RALGPS2: variants seen among roughly 807,000 people sequenced by gnomAD.
RALGPS2 encodes Ral GEF with PH domain and SH3 binding motif 2.
In RALGPS2, 43 loss-of-function variants were observed where a neutral mutation model predicts 86.8. The ratio of observed to expected loss-of-function variants is 0.50; its 90% CI spans 0.39 to 0.64. RALGPS2 has a LOEUF of 0.64. Among genes scored for constraint, RALGPS2 ranks in the 30% least tolerant of loss-of-function variants. The probability of loss-of-function intolerance (pLI) is 0.00; values close to 1 mark genes in which losing one functional copy is unlikely to be tolerated. For missense variants in RALGPS2, 536 were observed against 694.6 expected (o/e 0.77, Z 2.57); for synonymous variants, 243 against 231.3 (o/e 1.05, Z -0.46).
In RALGPS2 at chr1:178,916,799, A is replaced by T. The variant is rs1285910788; in HGVS notation, c.*440A>T. ...GGAAAAACATACTCTTGTGGATTCC[A>T]TCAGGAGCTGGTTTTGAACCGAGGT... is the stretch of plus-strand genomic sequence containing the variant. On this transcript the variant is annotated 3_prime_UTR_variant, in exon 20 of 20. Transcript: ENST00000367635. 1 of 155,280 alleles carries T rather than the reference A, an allele frequency of 6.4e-6. No homozygotes were observed. Among genetic ancestry groups the T allele is most frequent in the Non-Finnish European group, 1.4e-5 (1 of 70,240 alleles). 9.6% of individuals were successfully genotyped at this position (155,280 alleles called of 1,614,324 possible). A position where few individuals can be genotyped will look rare whatever the true frequency, so the allele number is the denominator to read the frequency against.
intron 7 of RALGPS2, 36 bp downstream of exon 7, chr1:178,821,740 T>C (rs565636395): frequency 6.9e-7 from 1 of 1,445,112 alleles, no homozygotes; most frequent in South Asian, 1.2e-5. Flanking sequence ...AAGGTTAGAC[T>C]TCCTGTGGAA....
At chr1:178,831,845 C>G (rs765034302) in intron 7 of RALGPS2, among the ~76,000 whole-genome samples, 6 of 152,092 alleles carry the variant, frequency 3.9e-5, no homozygotes, top group Non-Finnish European at 7.4e-5. Context: ...CAAGTCTCTC[C>G]TACCACAACT....
intron 4 of RALGPS2, among the ~76,000 whole-genome samples, chr1:178,786,732 T>C (rs536261664): frequency 1.5e-4 from 23 of 152,102 alleles, no homozygotes; most frequent in Admixed American, 3.3e-4. Flanking sequence ...AATTCAATAC[T>C]ACAAAATAGA....
At chr1:178,854,665 A>C (rs1030247554) in intron 8 of RALGPS2, among the ~76,000 whole-genome samples, 6 of 152,176 alleles carry the variant, frequency 3.9e-5, no homozygotes, top group Non-Finnish European at 8.8e-5. Context: ...ACGATTAACT[A>C]AGGTCATGTA....
intron 10 of RALGPS2, among the ~76,000 whole-genome samples, chr1:178,880,986 G>A (rs1181322339): frequency 6.6e-6 from 1 of 152,126 alleles, no homozygotes; most frequent in Non-Finnish European, 1.5e-5. Flanking sequence ...TTCATGAGGA[G>A]CTAGAACCAG....
rs1653115332 is a variant in RALGPS2 at position 178,776,921 on chromosome 1, G to T, written c.57+100G>T. 15 of 867,666 alleles carry T rather than the reference G, an allele frequency of 1.7e-5. No homozygotes were observed. In the East Asian group the frequency reaches 3.9e-4, roughly 22 times the overall value. The allele number at this position is 867,666 out of a possible 1,614,324, so 53.7% of individuals were successfully genotyped here. On this transcript the variant is annotated intron_variant, in intron 2 of 19. Transcript: ENST00000367635. The stretch of plus-strand genomic sequence containing the variant: ...CATACTTAAATCAGAAGTGCATTTA[G>T]TGCAGAAATACACATTTCCTTTTTT...
intron 8 of RALGPS2, among the ~76,000 whole-genome samples, chr1:178,870,524 C>T (rs1658690004): frequency 6.6e-6 from 1 of 152,162 alleles, no homozygotes; most frequent in African/African-American, 2.4e-5. Flanking sequence ...ATACACTAAA[C>T]ATCATTAAAT....
chr1:178,897,458 A>G (rs1659998506), intron 16 of RALGPS2, among the ~76,000 whole-genome samples: 2 of 152,052 alleles, frequency 1.3e-5, no homozygotes, highest in South Asian at 2.1e-4. Context: ...GCTGGAGGAA[A>G]GACTGAGTAT....
chr1:178,843,513 G>A (rs1405524304), intron 8 of RALGPS2, among the ~76,000 whole-genome samples: 1 of 111,362 alleles, frequency 9.0e-6, no homozygotes, highest in African/African-American at 3.3e-5. Context: ...TGGGGTGGGG[G>A]GAGGGGGGAG....
At chr1:178,769,816 C>G (rs1652696215) in intron 1 of RALGPS2, among the ~76,000 whole-genome samples, 1 of 152,088 alleles carries the variant, frequency 6.6e-6, no homozygotes, top group Non-Finnish European at 1.5e-5. Flanking sequence ...TTAGGAGCAA[C>G]AATGTTCTAT....
chr1:178,835,894 AAT>A (rs1463639456), intron 8 of RALGPS2, among the ~76,000 whole-genome samples: 5 of 152,192 alleles, frequency 3.3e-5, no homozygotes. Flanking sequence ...TTCTCATTGA[AAT>A]ATGTTTTTCT....
Position 178,902,129 on chromosome 1 carries a change from C to T in RALGPS2, c.1548C>T (p.Asn516=), listed in dbSNP as rs760451241. ...AGTTCAAATCAACATCCAATAAGAA[C>T]GTATCTGTGATAGGATGGATGGTGA... is the stretch of plus-strand genomic sequence containing the variant. ...RKHFKSTSNK[N]VSVIGWMVMM... is the part of the protein sequence containing the mutation. The change falls in exon 18 of 20, where the codon AAC becomes AAT. Residue 516 remains asparagine, a synonymous_variant. Transcript: ENST00000367635. 5.6e-6 allele frequency: 9 copies of T among 1,612,046 alleles called. No homozygotes were observed. Among genetic ancestry groups the T allele is most frequent in the South Asian group, 2.2e-5 (2 of 91,018 alleles).
chr1:178,779,801 TG>T (rs1383752292), intron 2 of RALGPS2, among the ~76,000 whole-genome samples: 4 of 152,236 alleles, frequency 2.6e-5, no homozygotes, highest in African/African-American at 9.6e-5. Context: ...TGGCACGATC[TG>T]GGCCCATTGC....
chr1:178,856,394 ATTTTTTTTTTTTTTT>A (rs71108081), intron 8 of RALGPS2, among the ~76,000 whole-genome samples: 8 of 36,432 alleles, frequency 2.2e-4, no homozygotes, highest in Admixed American at 6.3e-4. Context: ...TGCCTGGCTA[ATTTTTTTTTTTTTTT>A]TTTTTTTTTT....
chr1:178,871,003 G>A (rs896308635), intron 8 of RALGPS2: 6 of 152,176 alleles, frequency 3.9e-5, no homozygotes, highest in East Asian at 1.9e-4. Context: ...CAGAGAAAGC[G>A]TTGTGGCTTT....
intron 5 of RALGPS2, among the ~76,000 whole-genome samples, chr1:178,810,103 G>A (rs543494347): frequency 3.2e-4 from 48 of 151,694 alleles, no homozygotes; most frequent in African/African-American, 1.1e-3. Flanking sequence ...AGTCACGTTG[G>A]CCAGGTGTAG....
chr1:178,807,395 G>A (rs1250041495), intron 4 of RALGPS2, among the ~76,000 whole-genome samples: 1 of 152,090 alleles, frequency 6.6e-6, no homozygotes, highest in Non-Finnish European at 1.5e-5. Context: ...ATATTTTTAA[G>A]GTATCTGCAT....
At position 178,731,954 on chromosome 1, in the gene RALGPS2, C is replaced by G. The variant is rs115268985; in HGVS notation, c.-84+6535C>G. On this transcript the variant is annotated intron_variant, in intron 1 of 19. Coordinates refer to ENST00000367635, the MANE Select transcript of RALGPS2 (RefSeq NM_152663.5). ...GGACTGTGGTTTGCTGACACCTGATCTTATACAAGCAGAAGGATTAGCCTT... is the reference window on the plus strand; with the variant it reads ...GGACTGTGGTTTGCTGACACCTGATGTTATACAAGCAGAAGGATTAGCCTT... Among the ~76,000 whole-genome samples, 557 of 152,190 alleles carry G rather than the reference C, an allele frequency of 3.7e-3. 5 individuals carry two copies. The highest frequency in any genetic ancestry group is 0.012 in the African/African-American group (504 of 41,522).
intron 1 of RALGPS2, among the ~76,000 whole-genome samples, chr1:178,776,041 AT>A (rs1653066624): frequency 6.6e-6 from 1 of 151,952 alleles, no homozygotes; most frequent in Non-Finnish European, 1.5e-5. Context: ...TGTATTAAGT[AT>A]TATGAGTAAT....
Sources: allele counts gnomAD v4.1 joint callset (sites outside exome capture counted in the v4.1 genomes callset), GRCh38; gene constraint gnomAD v4.1.1; transcripts MANE v1.5; gene names NCBI Gene and HGNC (gene_info 2026-07-23, HGNC 2026-07-21).